MMS22L: variants seen among roughly 807,000 people sequenced by gnomAD.
The protein encoded by MMS22L is MMS22 like, DNA repair protein.
In MMS22L, 74 loss-of-function variants were observed where a neutral mutation model predicts 159.1. The observed-to-expected ratio is 0.47, with a 90% confidence interval of 0.39 to 0.56. MMS22L has a LOEUF of 0.56. MMS22L is among the 20% of genes least tolerant of loss of function. The pLI is 0.00. For synonymous variants in MMS22L, 517 were observed against 506.9 expected, an observed-to-expected ratio of 1.02 and a Z score of -0.27; for missense variants, 1,351 against 1,422.1, an observed-to-expected ratio of 0.95 and a Z score of 0.80.
intron 14 of MMS22L, among the ~76,000 whole-genome samples, chr6:97,225,053 T>A (rs909080620): frequency 6.6e-6 from 1 of 152,312 alleles, no homozygotes. Flanking sequence ...TCCATTTTTT[T>A]CACCTATAAA....
At chr6:97,233,785 T>C in intron 12 of MMS22L, 76 bp downstream of exon 12, 1 of 1,451,640 alleles carries the variant, frequency 6.9e-7, no homozygotes, top group Non-Finnish European at 9.2e-7. Context: ...TATTCATAAT[T>C]AAACCATAAA....
chr6:97,144,102 C>T lies in MMS22L; in HGVS notation c.*2704G>A, dbSNP rs1306237049. On this transcript the variant is annotated 3_prime_UTR_variant, in exon 25 of 25. Transcript: ENST00000683635. ...TGCCTCAAAACAACAACAACAACAACAACAAAAAAAAAAAAAAAAAAAAAA... is the reference window on the plus strand; with the variant it reads ...TGCCTCAAAACAACAACAACAACAATAACAAAAAAAAAAAAAAAAAAAAAA... The T allele has an allele frequency of 1.7e-5, 1 of 57,576 alleles. No homozygotes were observed. The highest frequency in any genetic ancestry group is 3.5e-5 in the Non-Finnish European group (1 of 28,802). The allele number at this position is 57,576 out of a possible 1,614,324, so 3.6% of individuals were successfully genotyped here.
intron 11 of MMS22L, chr6:97,246,128 C>T (rs1487249842): frequency 2.2e-6 from 1 of 451,182 alleles, no homozygotes; most frequent in African/African-American, 2.0e-5. Flanking sequence ...AGTCTGACCT[C>T]TAGGCCATGA....
Position 97,270,069 on chromosome 6 carries a change from C to A in MMS22L, c.607-77G>T. On this transcript the variant is annotated intron_variant, in intron 6 of 24. Coordinates refer to ENST00000683635, the MANE Select transcript of MMS22L (RefSeq NM_001350599.2). ...GTATTTCATAGCATGTCACAATACTCCTCCATAAACACAAGGATAAAGAAC... is the reference window on the plus strand; with the variant it reads ...GTATTTCATAGCATGTCACAATACTACTCCATAAACACAAGGATAAAGAAC... 9.1e-6 allele frequency: 10 copies of A among 1,093,660 alleles called. No homozygotes were observed. In the South Asian group the frequency reaches 1.4e-4, roughly 15 times the overall value. 67.7% of individuals were successfully genotyped at this position (1,093,660 alleles called of 1,614,324 possible).
chr6:97,163,932 G>A (rs929948543), intron 21 of MMS22L, among the ~76,000 whole-genome samples: 1 of 152,074 alleles, frequency 6.6e-6, no homozygotes, highest in African/African-American at 2.4e-5. Flanking sequence ...GAAACGGTAA[G>A]TGATGGATTG....
At chr6:97,269,737 C>T (rs980234581) in intron 7 of MMS22L, among the ~76,000 whole-genome samples, 165 bp downstream of exon 7, 1 of 152,006 alleles carries the variant, frequency 6.6e-6, no homozygotes, top group Admixed American at 6.6e-5. Flanking sequence ...CCAAGCTGTT[C>T]CCAATAGTTA....
chr6:97,199,358 C>A (rs1482164197), intron 14 of MMS22L, among the ~76,000 whole-genome samples: 1 of 152,044 alleles, frequency 6.6e-6, no homozygotes, highest in Non-Finnish European at 1.5e-5. Context: ...ACTACATCAA[C>A]CCAAATGTTC....
At chr6:97,221,656 T>G (rs898578895) in intron 14 of MMS22L, among the ~76,000 whole-genome samples, 1 of 152,076 alleles carries the variant, frequency 6.6e-6, no homozygotes, top group African/African-American at 2.4e-5. Context: ...GAGATACCCA[T>G]GCTTTCTCTG....
chr6:97,186,170 G>C (rs1805204557), intron 15 of MMS22L, among the ~76,000 whole-genome samples: 1 of 151,936 alleles, frequency 6.6e-6, no homozygotes, highest in Non-Finnish European at 1.5e-5. Flanking sequence ...TTATACCTAT[G>C]TATCTGCTCA....
chr6:97,230,321 T>C (rs1045175866), intron 13 of MMS22L: 7 of 149,810 alleles, frequency 4.7e-5, no homozygotes, highest in Admixed American at 4.7e-4. Flanking sequence ...TCCAGGCTGG[T>C]CTCAAACTCC....
Position 97,269,914 on chromosome 6 carries a change from C to A in MMS22L, c.685G>T (p.Gly229Cys). 2 of 1,604,172 alleles carry A rather than the reference C, an allele frequency of 1.2e-6. No homozygotes were observed. The highest frequency in any genetic ancestry group is 1.1e-5 in the South Asian group (1 of 88,882). Residue 229 changes from glycine to cysteine, a missense_variant, in exon 7 of 25, where the codon GGT (glycine) becomes TGT (cysteine). Physicochemically the swap from Gly to Cys is radical, Grantham distance 159 (BLOSUM62 -3). Transcript: ENST00000683635. ...TCCATAAACTTACTCAATTTTTCAC[C>A]CAGCATGTAAAGAATTTCTAGCACC... ...WLVLEILYML[G>C]EKLKQVVYGH...
chr6:97,282,281 AG>A, intron 2 of MMS22L, 32 bp downstream of exon 2: 1 of 1,602,340 alleles, frequency 6.2e-7, no homozygotes. Context: ...GTGAATAATC[AG>A]ATGAGGGAAA....
intron 15 of MMS22L, among the ~76,000 whole-genome samples, chr6:97,185,000 T>C (rs1411567151): frequency 6.6e-6 from 1 of 152,184 alleles, no homozygotes; most frequent in East Asian, 1.9e-4. Flanking sequence ...TGCTTCCCTA[T>C]AGTTTCTCAA....
At chr6:97,179,646 C>A (rs747343967) in intron 16 of MMS22L, 87 bp from the exon 17 acceptor site, 7 of 1,134,532 alleles carry the variant, frequency 6.2e-6, no homozygotes, top group Admixed American at 6.0e-5. Flanking sequence ...ATTCTAACAT[C>A]CCTGCAACTC....
intron 14 of MMS22L, among the ~76,000 whole-genome samples, chr6:97,187,916 G>A (rs978159346): frequency 3.3e-5 from 5 of 152,052 alleles, no homozygotes; most frequent in Admixed American, 6.6e-5. Flanking sequence ...GGAATTCCTG[G>A]AAAATTATGG....
At chr6:97,165,540 C>T (rs1802879268) in intron 20 of MMS22L, 83 bp from the exon 21 acceptor site, 5 of 1,072,196 alleles carry the variant, frequency 4.7e-6, no homozygotes, top group Non-Finnish European at 6.8e-6. Flanking sequence ...ATGAAGTCCC[C>T]AGCATTAATA....
At chr6:97,192,203 TG>T (rs1432497259) in intron 14 of MMS22L, among the ~76,000 whole-genome samples, 10 of 148,684 alleles carry the variant, frequency 6.7e-5, no homozygotes, top group East Asian at 4.1e-4. Flanking sequence ...GATGGATGGA[TG>T]GATGGATGAA....
intron 22 of MMS22L, 52 bp from the exon 23 acceptor site, chr6:97,151,919 A>G (rs761717750): frequency 1.4e-6 from 2 of 1,382,690 alleles, no homozygotes; most frequent in East Asian, 2.3e-5. Context: ...GACCATCTGG[A>G]TCCTCATTTT....
chr6:97,244,171 C>T (rs758308202), intron 11 of MMS22L, among the ~76,000 whole-genome samples: 4 of 152,064 alleles, frequency 2.6e-5, no homozygotes, highest in Non-Finnish European at 4.4e-5. Flanking sequence ...TATGAGTTGC[C>T]GTAATGGCTT....
Sources: gnomAD v4.1 joint callset for allele counts (sites outside exome capture counted in the v4.1 genomes callset) on GRCh38, gnomAD v4.1.1 for gene constraint, MANE v1.5 for transcripts, NCBI Gene and HGNC (gene_info 2026-07-23, HGNC 2026-07-21) for gene names.